The following SDCCAG8 variants were observed in gnomAD, a reference collection of about 807,000 sequenced individuals.
The protein encoded by SDCCAG8 is serologically defined colon cancer antigen 8.
In SDCCAG8, 74 loss-of-function variants were observed where a neutral mutation model predicts 101.8. That is an observed-to-expected ratio of 0.73 (90% CI 0.60 to 0.88). The LOEUF (loss-of-function observed/expected upper bound fraction) is 0.88. Among genes scored for constraint, SDCCAG8 ranks in the 40% least tolerant of loss-of-function variants. The pLI, the probability that SDCCAG8 is intolerant of heterozygous loss-of-function variation, is 0.00. For missense variants in SDCCAG8, 787 were observed against 822.6 expected (o/e 0.96, Z 0.53); for synonymous variants, 281 against 292.9 (o/e 0.96, Z 0.41).
At chr1:243,337,094 C>T (rs2075062047) in intron 10 of SDCCAG8, among the ~76,000 whole-genome samples, 1 of 152,042 alleles carries the variant, frequency 6.6e-6, no homozygotes, top group Non-Finnish European at 1.5e-5. Flanking sequence ...AGGAAACACC[C>T]GGAATGGTGT....
intron 16 of SDCCAG8, among the ~76,000 whole-genome samples, chr1:243,473,747 G>A (rs1661699241): frequency 6.6e-6 from 1 of 152,162 alleles, no homozygotes; most frequent in Admixed American, 6.5e-5. Context: ...GTAGGGCTCA[G>A]AAGTGAAACT....
intron 16 of SDCCAG8, among the ~76,000 whole-genome samples, chr1:243,466,399 A>C (rs1259912281): frequency 4.6e-5 from 7 of 152,206 alleles, no homozygotes; most frequent in Non-Finnish European, 4.4e-5. Flanking sequence ...TCTGAGATTC[A>C]CTAGAGAGAA....
At chr1:243,478,487 G>A (rs1662846583) in intron 16 of SDCCAG8, among the ~76,000 whole-genome samples, 1 of 152,156 alleles carries the variant, frequency 6.6e-6, no homozygotes, top group African/African-American at 2.4e-5. Flanking sequence ...TTCTTCCTCT[G>A]CAGGCAGCCA....
chr1:243,413,760 G>A (rs928343361), intron 13 of SDCCAG8, among the ~76,000 whole-genome samples: 4 of 152,044 alleles, frequency 2.6e-5, no homozygotes, highest in African/African-American at 4.8e-5. Context: ...CTCCTGCCCC[G>A]GCAGGGGGTC....
intron 4 of SDCCAG8, among the ~76,000 whole-genome samples, chr1:243,284,241 A>G (rs2069363637): frequency 6.6e-6 from 1 of 152,232 alleles, no homozygotes; most frequent in South Asian, 2.1e-4. Context: ...ATGAGCTTTT[A>G]TGTTTATCTG....
chr1:243,269,967 C>T, intron 1 of SDCCAG8, 138 bp from the exon 2 acceptor site: 1 of 1,190,726 alleles, frequency 8.4e-7, no homozygotes, highest in Non-Finnish European at 1.2e-6. Context: ...CCTCAGCAAG[C>T]TAGAAACAGA....
chr1:243,285,237 A>T (rs766700050), intron 4 of SDCCAG8, among the ~76,000 whole-genome samples: 19 of 152,102 alleles, frequency 1.2e-4, no homozygotes, highest in Non-Finnish European at 1.9e-4. Flanking sequence ...ATCAATTATG[A>T]TTTAGATTTT....
chr1:243,454,995 TTTG>T (rs1386504259), intron 16 of SDCCAG8, among the ~76,000 whole-genome samples: 2 of 152,228 alleles, frequency 1.3e-5, no homozygotes, highest in Admixed American at 6.5e-5. Context: ...TAACTGTTCA[TTTG>T]TTTTCAATAA....
At chr1:243,466,433 G>A (rs1446050926) in intron 16 of SDCCAG8, among the ~76,000 whole-genome samples, 1 of 152,164 alleles carries the variant, frequency 6.6e-6, no homozygotes, top group Non-Finnish European at 1.5e-5. Flanking sequence ...TGCAGGTTCT[G>A]AACTCAGACA....
chr1:243,332,225 T>G (rs1441218062), intron 10 of SDCCAG8, among the ~76,000 whole-genome samples: 1 of 152,168 alleles, frequency 6.6e-6, no homozygotes, highest in Non-Finnish European at 1.5e-5. Flanking sequence ...GAGAATTATG[T>G]TGGGATGGAA....
rs1658209148 is a variant in SDCCAG8, at chr1:243,458,158, A to G, written c.1986-30856A>G. Among the ~76,000 whole-genome samples, 1 of 152,132 alleles carries G rather than the reference A, an allele frequency of 6.6e-6. No homozygotes were observed. Among genetic ancestry groups the G allele is most frequent in the Non-Finnish European group, 1.5e-5 (1 of 68,036 alleles). On this transcript the variant is annotated intron_variant, in intron 16 of 17. Coordinates refer to ENST00000366541, the MANE Select transcript of SDCCAG8 (RefSeq NM_006642.5). This position sits in a 1 kb window ranked among gnomAD's most constrained non-coding sequence, Gnocchi z 4.5. ...AGTGTTCTCGTGAAGACATCTGACT[A>G]CTCAGCACACACAATCTTAAGGTCT...
At chr1:243,343,134 A>G (rs1035675806) in intron 11 of SDCCAG8, among the ~76,000 whole-genome samples, 1 of 152,226 alleles carries the variant, frequency 6.6e-6, no homozygotes, top group Non-Finnish European at 1.5e-5. Flanking sequence ...GCTTAAATGC[A>G]TATAGGTTTT....
chr1:243,318,163 A>T, intron 9 of SDCCAG8: 1 of 439,178 alleles, frequency 2.3e-6, no homozygotes, highest in Non-Finnish European at 4.6e-6. Flanking sequence ...ACCATGGAAT[A>T]GTATGCAGCC....
rs200994363 is a variant in SDCCAG8 at position 243,270,244 on chromosome 1, A to G, written c.207A>G (p.Gln69=). The part of the protein sequence containing the change: ...EDARTAWPEL[Q]QSHAVNQLKD... ...CCAGGACAGCCTGGCCCGAATTACA[A>G]CAGAGCCATGCTGGTGAGTGTGAAT... The change falls in exon 2 of 18, where the codon CAA becomes CAG. Residue 69 remains glutamine, a synonymous_variant. Coordinates refer to ENST00000366541, the MANE Select transcript of SDCCAG8 (RefSeq NM_006642.5). The G allele has an allele frequency of 2.0e-5, 32 of 1,614,144 alleles. No homozygotes were observed. The East Asian group carries it at 2.2e-4, about 11-fold the overall frequency.
At chr1:243,378,621 T>TA (rs2077742304) in intron 12 of SDCCAG8, 100 bp from the exon 13 acceptor site, 6 of 1,317,336 alleles carry the variant, frequency 4.6e-6, no homozygotes, top group Non-Finnish European at 6.4e-6. Flanking sequence ...AATAATTTTT[T>TA]ATCAAATTGA....
chr1:243,270,956 A>G (rs1349709713), intron 2 of SDCCAG8, 22 bp from the exon 3 acceptor site: 1 of 1,572,694 alleles, frequency 6.4e-7, no homozygotes, highest in Non-Finnish European at 8.8e-7. Context: ...AGGTTAATAA[A>G]CCCTCTGCTT....
chr1:243,459,585 T>C (rs1658621355), intron 16 of SDCCAG8, among the ~76,000 whole-genome samples: 1 of 152,186 alleles, frequency 6.6e-6, no homozygotes, highest in Non-Finnish European at 1.5e-5. Context: ...TGGAAGGTGA[T>C]ACTAAAATAT....
At chr1:243,318,831 G>T (rs1215224197) in intron 9 of SDCCAG8, among the ~76,000 whole-genome samples, 1 of 152,102 alleles carries the variant, frequency 6.6e-6, no homozygotes, top group African/African-American at 2.4e-5. Context: ...CCATTTCCAG[G>T]GCTTTGTTTT....
chr1:243,401,084 T>G (rs2079366002), intron 13 of SDCCAG8, among the ~76,000 whole-genome samples: 1 of 152,192 alleles, frequency 6.6e-6, no homozygotes, highest in South Asian at 2.1e-4. Flanking sequence ...TCAAGCAGTT[T>G]CTACTGGTGA....
Sources: gnomAD v4.1 joint callset for allele counts (sites outside exome capture counted in the v4.1 genomes callset) on GRCh38, gnomAD v4.1.1 for gene constraint, Gnocchi (gnomAD v3.1) non-coding constraint, MANE v1.5 for transcripts, NCBI Gene and HGNC (gene_info 2026-07-23, HGNC 2026-07-21) for gene names.